DLGAP2: variants seen among roughly 807,000 people sequenced by gnomAD.
The protein encoded by DLGAP2 is disks large-associated protein 2.
DLGAP2 carries 26 observed loss-of-function variants against 100.3 expected under a neutral mutation model. The ratio of observed to expected loss-of-function variants is 0.26; its 90% confidence interval spans 0.19 to 0.36. The LOEUF is 0.36. Ranked by LOEUF, DLGAP2 falls within the 10% of genes least tolerant of loss-of-function variation. The pLI is 1.00. For synonymous variants in DLGAP2, 886 were observed against 630.1 expected, an observed-to-expected ratio of 1.41 and a Z score of -6.08; for missense variants, 1,858 against 1,453.2, an observed-to-expected ratio of 1.28 and a Z score of -4.53.
chr8:1,410,545 A>T (rs188411170), intron 3 of DLGAP2, among the ~76,000 whole-genome samples: 10 of 152,330 alleles, frequency 6.6e-5, no homozygotes, highest in Middle Eastern at 3.4e-3. Context: ...GCATTTCCGC[A>T]CAGGTCGAGT....
intron 13 of DLGAP2, among the ~76,000 whole-genome samples, chr8:1,693,265 A>T (rs935809467): frequency 3.7e-4 from 55 of 148,990 alleles, no homozygotes; most frequent in Non-Finnish European, 1.6e-4. Flanking sequence ...ATGGTAATAT[A>T]TTTTATATAT....
rs76879558 is a variant in DLGAP2, at chr8:1,566,219, T to G, written c.1442+325T>G. 1.2e-3 allele frequency among the ~76,000 whole-genome samples: 182 copies of G among 152,334 alleles called. 2 individuals are homozygous for G. The highest frequency in any genetic ancestry group is 4.3e-3 in the African/African-American group (177 of 41,582). ...ACATGTCTCTGTTTGTATGAATGTG[T>G]GCGTATGGGTGTGTGTTTGAATGTC... On this transcript the variant is annotated intron_variant, in intron 6 of 14. Transcript: ENST00000637795.
intron 3 of DLGAP2, among the ~76,000 whole-genome samples, chr8:1,367,971 C>T (rs541829103): frequency 1.0e-3 from 159 of 152,242 alleles, no homozygotes; most frequent in Middle Eastern, 3.4e-3. Context: ...CAGGCTTTGC[C>T]GTCAGGATTC....
chr8:966,879 C>A (rs1034443926), intron 2 of DLGAP2, among the ~76,000 whole-genome samples: 4 of 152,194 alleles, frequency 2.6e-5, no homozygotes, highest in African/African-American at 9.7e-5. Flanking sequence ...TTCTTTTTCT[C>A]ACAAATTGAT....
At chr8:1,013,339 A>G (rs1316799030) in intron 2 of DLGAP2, among the ~76,000 whole-genome samples, 2 of 152,206 alleles carry the variant, frequency 1.3e-5, no homozygotes, top group East Asian at 1.9e-4. Context: ...GAAAAGCCAC[A>G]GGCACAGATT....
At chr8:1,123,418 C>G (rs2129047946) in intron 2 of DLGAP2, among the ~76,000 whole-genome samples, 1 of 152,272 alleles carries the variant, frequency 6.6e-6, no homozygotes, top group South Asian at 2.1e-4. Context: ...GACACCAGGA[C>G]CTAGTGAGTC....
intron 2 of DLGAP2, among the ~76,000 whole-genome samples, chr8:1,159,820 C>T (rs1038344098): frequency 1.3e-5 from 2 of 152,174 alleles, no homozygotes; most frequent in Admixed American, 6.5e-5. Context: ...TGATTGATTA[C>T]CTGGAACAAG....
intron 2 of DLGAP2, among the ~76,000 whole-genome samples, chr8:1,193,078 G>A (rs1240011158): frequency 3.3e-5 from 5 of 152,060 alleles, no homozygotes; most frequent in Admixed American, 6.5e-5. Context: ...ATCATTGTTG[G>A]ACATTTGGGT....
At chr8:1,348,022 G>A in intron 3 of DLGAP2, among the ~76,000 whole-genome samples, 1 of 151,562 alleles carries the variant, frequency 6.6e-6, no homozygotes, top group East Asian at 1.9e-4. Context: ...TGCACTCATG[G>A]TAGCTGTGTG....
chr8:914,554 C>A (rs1798552209), intron 2 of DLGAP2, among the ~76,000 whole-genome samples: 1 of 152,214 alleles, frequency 6.6e-6, no homozygotes, highest in African/African-American at 2.4e-5. Flanking sequence ...ATGTGACCCC[C>A]TGGGGAAAAT....
At chr8:1,036,493 C>T (rs1563156973) in intron 2 of DLGAP2, among the ~76,000 whole-genome samples, 1 of 152,142 alleles carries the variant, frequency 6.6e-6, no homozygotes, top group South Asian at 2.1e-4. Flanking sequence ...TGGGGACGGT[C>T]GGGGGAGGTT....
intron 2 of DLGAP2, among the ~76,000 whole-genome samples, chr8:983,261 C>T (rs545718730): frequency 1.3e-5 from 2 of 151,926 alleles, no homozygotes; most frequent in Non-Finnish European, 1.5e-5. Flanking sequence ...TTAGAATCCA[C>T]GTGTTGGTGG....
At position 1,090,100 on chromosome 8, in the gene DLGAP2, G is replaced by A. The variant is rs1445416712; in HGVS notation, c.74-168751G>A. On this transcript the variant is annotated intron_variant, in intron 2 of 14. Transcript: ENST00000637795. ...CTCTGGAGCCCTCCTGGGCAGACAGGGGTGGAAACTCACACCCCGAGGACC... is the reference window on the plus strand; with the variant it reads ...CTCTGGAGCCCTCCTGGGCAGACAGAGGTGGAAACTCACACCCCGAGGACC... Among the ~76,000 whole-genome samples, 36 of 142,408 alleles carry A rather than the reference G, an allele frequency of 2.5e-4. 3 individuals are homozygous for A. Among genetic ancestry groups the A allele is most frequent in the Admixed American group, 2.2e-3 (32 of 14,474 alleles). 93.4% of individuals were successfully genotyped at this position (142,408 alleles called of 152,430 possible). A position where few individuals can be genotyped will look rare whatever the true frequency, so the allele number is the denominator to read the frequency against.
chr8:1,520,568 C>T (rs1485466668), intron 4 of DLGAP2, among the ~76,000 whole-genome samples: 1 of 152,200 alleles, frequency 6.6e-6, no homozygotes, highest in Non-Finnish European at 1.5e-5. Context: ...CCCTAAAAAT[C>T]CTGCGTGCTC....
intron 2 of DLGAP2, among the ~76,000 whole-genome samples, chr8:1,128,380 G>C (rs1018387304): frequency 6.6e-6 from 1 of 152,240 alleles, no homozygotes; most frequent in Non-Finnish European, 1.5e-5. Flanking sequence ...TGTTCTGTGA[G>C]GGCCTGCAGG....
chr8:1,049,336 C>G (rs546137924), intron 2 of DLGAP2, among the ~76,000 whole-genome samples: 1 of 152,198 alleles, frequency 6.6e-6, no homozygotes, highest in African/African-American at 2.4e-5. Flanking sequence ...TTAACGTCTT[C>G]GAAGACACAG....
intron 3 of DLGAP2, among the ~76,000 whole-genome samples, chr8:1,330,576 G>A (rs549104123): frequency 6.7e-6 from 1 of 148,158 alleles, no homozygotes; most frequent in Non-Finnish European, 1.5e-5. Context: ...ACTGAGTTCT[G>A]TGTGGGAGCA....
chr8:1,432,350 A>C lies in DLGAP2; in HGVS notation c.107-69016A>C, dbSNP rs529926311. ...ATTCAAGAAATTCTATGCACCTTAA[A>C]AAAATAATGGTAGAGGGGATGAAAC... On this transcript the variant is annotated intron_variant, in intron 3 of 14. Transcript: ENST00000637795. Among the ~76,000 whole-genome samples the C allele has an allele frequency of 3.2e-4, 48 of 152,326 alleles. 1 individual carries two copies. The highest frequency in any genetic ancestry group is 3.2e-4 in the Non-Finnish European group (22 of 68,034).
intron 1 of DLGAP2, among the ~76,000 whole-genome samples, chr8:866,966 G>A (rs1797509953): frequency 6.6e-6 from 1 of 152,092 alleles, no homozygotes; most frequent in Admixed American, 6.5e-5. Flanking sequence ...CAGGCTCACT[G>A]CCTTGTGCTG....
Sources: allele counts gnomAD v4.1 joint callset (sites outside exome capture counted in the v4.1 genomes callset), GRCh38; gene constraint gnomAD v4.1.1; transcripts MANE v1.5; gene names NCBI Gene and HGNC (gene_info 2026-07-23, HGNC 2026-07-21).